Variants in SRPK1 observed in about 807,000 individuals in gnomAD.
SRPK1 encodes the protein SRSF protein kinase 1.
In SRPK1, 52 loss-of-function variants were observed where a neutral mutation model predicts 89.5. The ratio of observed to expected loss-of-function variants is 0.58; its 90% confidence interval spans 0.46 to 0.73. The LOEUF is 0.73. Among genes scored for constraint, SRPK1 ranks in the 30% least tolerant of loss-of-function variants. The probability of loss-of-function intolerance (pLI) is 0.00; values close to 1 mark genes in which losing one functional copy is unlikely to be tolerated. For missense variants in SRPK1, 603 were observed against 780.6 expected, an observed-to-expected ratio of 0.77 and a Z score of 2.71; for synonymous variants, 255 against 270.2, an observed-to-expected ratio of 0.94 and a Z score of 0.55.
intron 12 of SRPK1, among the ~76,000 whole-genome samples, chr6:35,866,287 T>C (rs1195670908): frequency 1.3e-5 from 2 of 152,062 alleles, no homozygotes; most frequent in Admixed American, 6.6e-5. Flanking sequence ...ACCATCTCTA[T>C]AGAAAATAGT....
intron 12 of SRPK1, among the ~76,000 whole-genome samples, chr6:35,864,247 G>A (rs1218598203): frequency 6.6e-6 from 1 of 151,876 alleles, no homozygotes; most frequent in Non-Finnish European, 1.5e-5. Flanking sequence ...TCAACAAAGT[G>A]AAGAGACAAC....
intron 12 of SRPK1, among the ~76,000 whole-genome samples, chr6:35,862,590 G>A (rs1769802472): frequency 6.6e-6 from 1 of 152,178 alleles, no homozygotes; most frequent in East Asian, 1.9e-4. Flanking sequence ...AGATATCAAC[G>A]GAAGGACACA....
chr6:35,888,810 C>T lies in SRPK1; in HGVS notation c.302+5G>A. ...TAATTCTTTTACAGAACCACTAAAA[C>T]TTACTGAATATCCCATGATAACCAT... is the stretch of plus-strand genomic sequence containing the variant. On this transcript the variant is annotated splice_donor_5th_base_variant and intron_variant, in intron 4 of 15. Transcript: ENST00000373825. The T allele has an allele frequency of 1.3e-6, 2 of 1,584,398 alleles. No individual in the cohort carries two copies. The highest frequency in any genetic ancestry group is 1.7e-6 in the Non-Finnish European group (2 of 1,153,424).
chr6:35,887,956 T>C, intron 5 of SRPK1, 68 bp downstream of exon 5: 3 of 1,138,752 alleles, frequency 2.6e-6, no homozygotes, highest in Non-Finnish European at 3.6e-6. Context: ...CCACTTGGTG[T>C]GTTTTTATTC....
intron 2 of SRPK1, among the ~76,000 whole-genome samples, chr6:35,913,235 GA>G: frequency 6.6e-6 from 1 of 152,170 alleles, no homozygotes. Flanking sequence ...ACTAACCAAT[GA>G]AACTACAGAG....
At chr6:35,880,451 G>C (rs550147725) in intron 6 of SRPK1, among the ~76,000 whole-genome samples, 3 of 151,864 alleles carry the variant, frequency 2.0e-5, no homozygotes, top group Non-Finnish European at 4.4e-5. Flanking sequence ...GGCTGGGCAC[G>C]GTGGCTCACG....
intron 2 of SRPK1, among the ~76,000 whole-genome samples, chr6:35,898,605 A>G (rs947286006): frequency 1.3e-5 from 2 of 152,136 alleles, no homozygotes; most frequent in Non-Finnish European, 1.5e-5. Context: ...GGTGGCAGGC[A>G]TCTGTAATCT....
At chr6:35,900,020 T>TAAAAAAATAA (rs1339704704) in intron 2 of SRPK1, among the ~76,000 whole-genome samples, 1 of 149,268 alleles carries the variant, frequency 6.7e-6, no homozygotes, top group Non-Finnish European at 1.5e-5. Flanking sequence ...ATAATAATAA[T>TAAAAAAATAA]AAAAAAATAA....
intron 13 of SRPK1, among the ~76,000 whole-genome samples, chr6:35,843,046 G>T (rs1267034041): frequency 6.7e-6 from 1 of 150,194 alleles, no homozygotes; most frequent in Non-Finnish European, 1.5e-5. Context: ...TCGGCTCACT[G>T]CAAGCTCCGC....
intron 2 of SRPK1, among the ~76,000 whole-genome samples, chr6:35,893,234 C>T (rs926284347): frequency 1.3e-5 from 2 of 152,150 alleles, no homozygotes; most frequent in Admixed American, 1.3e-4. Flanking sequence ...CCTGTAATCC[C>T]AGCATTTTGT....
Position 35,870,415 on chromosome 6 carries a change from A to C in SRPK1, c.857T>G (p.Met286Arg), listed in dbSNP as rs1770007477. The C allele has an allele frequency of 6.3e-7, 1 of 1,575,232 alleles. No homozygotes were observed. The highest frequency in any genetic ancestry group is 8.6e-7 in the Non-Finnish European group (1 of 1,158,782). ...KRQAELLEKR[M>R]QEIEEMEKES... ...TTTCTCCATTTCCTCAATTTCCTGC[A>C]TTCGCTTCTCTAGTAATTCTGCCTG... The change falls in exon 10 of 16, where the codon ATG becomes AGG. Residue 286 changes from methionine to arginine, a missense_variant. Met to Arg is a moderately conservative substitution (Grantham distance 91). Coordinates refer to ENST00000373825, the MANE Select transcript of SRPK1 (RefSeq NM_003137.5).
intron 2 of SRPK1, among the ~76,000 whole-genome samples, chr6:35,900,794 T>A (rs180757471): frequency 6.6e-6 from 1 of 152,240 alleles, no homozygotes; most frequent in Admixed American, 6.5e-5. Context: ...AATGGAAATT[T>A]AGGGAGAGGA....
intron 2 of SRPK1, among the ~76,000 whole-genome samples, chr6:35,899,165 C>T (rs1770688527): frequency 6.6e-6 from 1 of 152,112 alleles, no homozygotes; most frequent in Non-Finnish European, 1.5e-5. Context: ...ATCTCACAAA[C>T]AAAACAAAAC....
chr6:35,846,675 A>G (rs1288381893), intron 13 of SRPK1, among the ~76,000 whole-genome samples: 1 of 152,190 alleles, frequency 6.6e-6, no homozygotes, highest in Non-Finnish European at 1.5e-5. Flanking sequence ...ATGGCAACAG[A>G]TTGGATAACC....
intron 14 of SRPK1, among the ~76,000 whole-genome samples, chr6:35,841,746 C>T (rs933893555): frequency 6.7e-6 from 1 of 148,504 alleles, no homozygotes; most frequent in Non-Finnish European, 1.5e-5. Flanking sequence ...GCAGGAGAAT[C>T]GCTTGAACGA....
chr6:35,878,181 A>C (rs1770196385), intron 6 of SRPK1, among the ~76,000 whole-genome samples: 1 of 152,164 alleles, frequency 6.6e-6, no homozygotes, highest in Non-Finnish European at 1.5e-5. Context: ...CATACCCCTA[A>C]GTGCTTAGAT....
chr6:35,908,296 T>C (rs1770892361), intron 2 of SRPK1, among the ~76,000 whole-genome samples: 1 of 152,178 alleles, frequency 6.6e-6, no homozygotes, highest in South Asian at 2.1e-4. Context: ...AGTTTGGAGC[T>C]TCCTAGAGAC....
intron 6 of SRPK1, among the ~76,000 whole-genome samples, chr6:35,878,138 ATCATAAAGGTAAAGAT>A (rs893704371): frequency 3.9e-5 from 6 of 152,302 alleles, no homozygotes; most frequent in South Asian, 2.1e-4. Flanking sequence ...GAATCAACAA[ATCATAAAGGTAAAGAT>A]TCACCCAGTA....
intron 7 of SRPK1, among the ~76,000 whole-genome samples, chr6:35,873,509 A>G (rs979008711): frequency 1.4e-5 from 2 of 146,026 alleles, no homozygotes; most frequent in Middle Eastern, 6.8e-3. Flanking sequence ...TTTTTTTTTG[A>G]GATGGAGTCT....
Sources: allele counts gnomAD v4.1 joint callset (sites outside exome capture counted in the v4.1 genomes callset), GRCh38; gene constraint gnomAD v4.1.1; transcripts MANE v1.5; gene names NCBI Gene and HGNC (gene_info 2026-07-23, HGNC 2026-07-21).